The following ZMPSTE24 variants were observed in gnomAD, a reference collection of about 807,000 sequenced individuals.
The protein encoded by ZMPSTE24 is CAAX prenyl protease 1 homolog.
In ZMPSTE24, 48 loss-of-function variants were observed where a neutral mutation model predicts 56.7. The ratio of observed to expected loss-of-function variants is 0.85; its 90% CI spans 0.67 to 1.08. The LOEUF (loss-of-function observed/expected upper bound fraction) is 1.08. ZMPSTE24 is among the 50% of genes least tolerant of loss of function. The pLI is 0.00. For synonymous variants in ZMPSTE24, 172 were observed against 195.2 expected (o/e 0.88, Z 0.99); for missense variants, 503 against 548.7 (o/e 0.92, Z 0.83).
rs545915862 is a variant in ZMPSTE24 at position 40,284,931 on chromosome 1, T to TC, written c.955-994_955-993insC. On this transcript the variant is annotated intron_variant, in intron 7 of 9. Coordinates refer to ENST00000372759, the MANE Select transcript of ZMPSTE24 (RefSeq NM_005857.5). The stretch of plus-strand genomic sequence containing the variant: ...TCCAATGTCAAAACATCATCCCTTT[T>TC]TTTTTTTTTTTTGAGATGGAGTCTC... 1.0e-4 allele frequency among the ~76,000 whole-genome samples: 15 copies of TC among 149,558 alleles called. No individual in the cohort carries two copies. The South Asian group carries it at 3.0e-3, about 30-fold the overall frequency.
intron 1 of ZMPSTE24, 118 bp downstream of exon 1, chr1:40,258,512 C>A: frequency 6.4e-7 from 1 of 1,555,486 alleles, no homozygotes. Flanking sequence ...TCTTTGTGGT[C>A]CCTGCTGAGT....
At chr1:40,274,265 T>C (rs1643647389) in intron 6 of ZMPSTE24, among the ~76,000 whole-genome samples, 1 of 152,238 alleles carries the variant, frequency 6.6e-6, no homozygotes, top group African/African-American at 2.4e-5. Context: ...TTTTAATTGT[T>C]GTTAACAACA....
At chr1:40,269,134 C>T (rs765183694) in intron 4 of ZMPSTE24, among the ~76,000 whole-genome samples, 4 of 146,524 alleles carry the variant, frequency 2.7e-5, no homozygotes, top group South Asian at 2.2e-4. Flanking sequence ...CAGTGGCTCA[C>T]GCCTGTAATC....
intron 6 of ZMPSTE24, among the ~76,000 whole-genome samples, chr1:40,273,537 A>AATATATATATAT (rs71577619): frequency 8.9e-4 from 11 of 12,382 alleles, no homozygotes; most frequent in Non-Finnish European, 1.4e-3. Flanking sequence ...AAAAAAAAAA[A>AATATATATATAT]ATATATATAT....
At chr1:40,272,060 G>A in intron 6 of ZMPSTE24, 25 bp downstream of exon 6, 1 of 1,572,648 alleles carries the variant, frequency 6.4e-7, no homozygotes, top group Non-Finnish European at 8.6e-7. Context: ...GGATAAGAAA[G>A]TTTTATCCAA....
chr1:40,279,339 G>A (rs1423354687), intron 6 of ZMPSTE24, among the ~76,000 whole-genome samples: 1 of 152,140 alleles, frequency 6.6e-6, no homozygotes, highest in Non-Finnish European at 1.5e-5. Context: ...TATTTGTTAG[G>A]TTGGTGCAAA....
At chr1:40,277,894 G>A (rs1020652014) in intron 6 of ZMPSTE24, among the ~76,000 whole-genome samples, 5 of 150,426 alleles carry the variant, frequency 3.3e-5, no homozygotes, top group Non-Finnish European at 5.9e-5. Context: ...GCTGGAACCC[G>A]GGAGGCGGAG....
At chr1:40,286,094 G>A in intron 8 of ZMPSTE24, 65 bp downstream of exon 8, 1 of 1,429,128 alleles carries the variant, frequency 7.0e-7, no homozygotes. Flanking sequence ...TGGCAGGCAT[G>A]AGAGGTCATA....
chr1:40,280,255 G>T (rs761513476), intron 6 of ZMPSTE24, among the ~76,000 whole-genome samples: 1 of 151,978 alleles, frequency 6.6e-6, no homozygotes, highest in Non-Finnish European at 1.5e-5. Context: ...CTGCCACTAC[G>T]CTCCTCATCT....
intron 6 of ZMPSTE24, among the ~76,000 whole-genome samples, chr1:40,273,159 AGAG>A (rs1643628747): frequency 6.6e-6 from 1 of 152,204 alleles, no homozygotes; most frequent in South Asian, 2.1e-4. Flanking sequence ...TCACAGGGTT[AGAG>A]GAGAACAGAG....
At chr1:40,285,168 G>A (rs1465229742) in intron 7 of ZMPSTE24, among the ~76,000 whole-genome samples, 2 of 138,964 alleles carry the variant, frequency 1.4e-5, no homozygotes, top group East Asian at 1.9e-4. Flanking sequence ...GTGCAATGGC[G>A]TGATCTCAGC....
intron 1 of ZMPSTE24, 115 bp downstream of exon 1, chr1:40,258,509 G>T: frequency 1.3e-6 from 2 of 1,565,438 alleles, no homozygotes; most frequent in Non-Finnish European, 1.7e-6. Context: ...TCGTCTTTGT[G>T]GTCCCTGCTG....
intron 8 of ZMPSTE24, among the ~76,000 whole-genome samples, chr1:40,287,593 T>C (rs1433538093): frequency 6.6e-6 from 1 of 151,148 alleles, no homozygotes; most frequent in Non-Finnish European, 1.5e-5. Context: ...GAGAATTGCT[T>C]GAACCCAGGA....
At chr1:40,263,035 A>G in intron 2 of ZMPSTE24, 1 of 973,278 alleles carries the variant, frequency 1.0e-6, no homozygotes, top group Middle Eastern at 5.2e-4. Context: ...CTTTGACTTT[A>G]CCCACTACAG....
At chr1:40,273,537 A>AAAAATATATAT (rs1224234676) in intron 6 of ZMPSTE24, among the ~76,000 whole-genome samples, 2 of 12,388 alleles carry the variant, frequency 1.6e-4, no homozygotes, top group Non-Finnish European at 4.0e-4. Context: ...AAAAAAAAAA[A>AAAAATATATAT]ATATATATAT....
At chr1:40,278,557 C>CAAAAAAAAAAAAAAAAAAAAAAAAAAAA (rs397979953) in intron 6 of ZMPSTE24, among the ~76,000 whole-genome samples, 1 of 19,560 alleles carries the variant, frequency 5.1e-5, no homozygotes, top group African/African-American at 1.9e-4. Context: ...GACTCCGTCT[C>CAAAAAAAAAAAAAAAAAAAAAAAAAAAA]AAAAAAAAAA....
In ZMPSTE24 at chr1:40,268,646, A is replaced by G. The variant is rs191751561; in HGVS notation, c.474+111A>G. ...TTACTATTTCAGAGTATGAATTGAGAAAAAAGGGAACTACAGATATGGTAA... is the reference window on the plus strand; with the variant it reads ...TTACTATTTCAGAGTATGAATTGAGGAAAAAGGGAACTACAGATATGGTAA... On this transcript the variant is annotated intron_variant, in intron 4 of 9. Coordinates refer to ENST00000372759, the MANE Select transcript of ZMPSTE24 (RefSeq NM_005857.5). The G allele has an allele frequency of 1.9e-3, 1,457 of 759,698 alleles. 10 individuals are homozygous for G. Among genetic ancestry groups the G allele is most frequent in the Non-Finnish European group, 2.8e-3 (1,346 of 477,686 alleles). 47.1% of individuals were successfully genotyped at this position (759,698 alleles called of 1,614,324 possible).
At position 40,267,332 on chromosome 1, in the gene ZMPSTE24, GTTATTTTATTTTATTTTATT is replaced by G. The variant is rs71060361; in HGVS notation, c.271-422_271-403del. ...ATTTTTTAAAAAAATATTTTATTTTGTTATTTTATTTTATTTTATTTTATTTTATTTTATTTTATTTTATT... is the reference window on the plus strand; with the variant it reads ...ATTTTTTAAAAAAATATTTTATTTTGTTATTTTATTTTATTTTATTTTATT... On this transcript the variant is annotated intron_variant, in intron 2 of 9. Coordinates refer to ENST00000372759, the MANE Select transcript of ZMPSTE24 (RefSeq NM_005857.5). 6.2e-3 allele frequency among the ~76,000 whole-genome samples: 852 copies of G among 137,494 alleles called. 14 individuals are homozygous for G. Among genetic ancestry groups the G allele is most frequent in the African/African-American group, 0.02 (736 of 36,598 alleles). The allele number at this position is 137,494 out of a possible 152,430, so 90.2% of individuals were successfully genotyped here.
At chr1:40,280,953 C>T (rs1306874747) in intron 6 of ZMPSTE24, among the ~76,000 whole-genome samples, 2 of 152,110 alleles carry the variant, frequency 1.3e-5, no homozygotes, top group African/African-American at 2.4e-5. Flanking sequence ...TTTTTCTTGA[C>T]GATAATGGAA....
Sources: allele counts gnomAD v4.1 joint callset (sites outside exome capture counted in the v4.1 genomes callset), GRCh38; gene constraint gnomAD v4.1.1; transcripts MANE v1.5; gene names NCBI Gene and HGNC (gene_info 2026-07-23, HGNC 2026-07-21).